Variants in PFKP observed in about 807,000 individuals in gnomAD.
PFKP encodes the protein phosphofructokinase, platelet.
In PFKP, 101 loss-of-function variants were observed where a neutral mutation model predicts 94.3. That is an observed-to-expected ratio of 1.07 (90% confidence interval 0.91 to 1.26). The LOEUF (loss-of-function observed/expected upper bound fraction) is 1.26. Ranked by LOEUF, PFKP falls within the 50% of genes most tolerant of loss-of-function variation. The pLI is 0.00. For synonymous variants in PFKP, 573 were observed against 432.6 expected (o/e 1.32, Z -4.03); for missense variants, 1,145 against 1,103.3 (o/e 1.04, Z -0.53).
At chr10:3,135,868 A>T in intron 21 of PFKP, 30 bp downstream of exon 21, 1 of 1,347,236 alleles carries the variant, frequency 7.4e-7, no homozygotes, top group South Asian at 1.2e-5. Flanking sequence ...TGAGGCAATA[A>T]GACCCCAATG....
chr10:3,129,666 G>T, intron 16 of PFKP, 153 bp from the exon 17 acceptor site: 1 of 786,050 alleles, frequency 1.3e-6, no homozygotes, highest in East Asian at 2.7e-5. Context: ...GGCACATCCT[G>T]GCTGCTGCAC....
In PFKP at chr10:3,098,672, C is replaced by CAAAAAAAAAAAA. The variant is rs5782682; in HGVS notation, c.187-596_187-585dup. 3.0e-3 allele frequency among the ~76,000 whole-genome samples: 325 copies of CAAAAAAAAAAAA among 107,088 alleles called. 8 individuals are homozygous for CAAAAAAAAAAAA. The highest frequency in any genetic ancestry group is 9.5e-3 in the African/African-American group (259 of 27,122). The allele number at this position is 107,088 out of a possible 152,430, so 70.3% of individuals were successfully genotyped here. A position where few individuals can be genotyped will look rare whatever the true frequency, so the allele number is the denominator to read the frequency against. On this transcript the variant is annotated intron_variant, in intron 2 of 21. Transcript: ENST00000381125. ...TGGGTGACAGAGTGAGACTCCGTCTCAAAAAAAAAAAAAAAAAAGGTAATT... is the reference window on the plus strand; with the variant it reads ...TGGGTGACAGAGTGAGACTCCGTCTCAAAAAAAAAAAAAAAAAAAAAAAAAAAAAAGGTAATT...
At chr10:3,124,914 TTGC>T (rs1837775351) in intron 16 of PFKP, among the ~76,000 whole-genome samples, 1 of 152,154 alleles carries the variant, frequency 6.6e-6, no homozygotes, top group Admixed American at 6.5e-5. Flanking sequence ...GCCCCCTGTG[TTGC>T]TGGGGCCTGT....
At chr10:3,086,595 A>G (rs1354954925) in intron 2 of PFKP, among the ~76,000 whole-genome samples, 1 of 152,166 alleles carries the variant, frequency 6.6e-6, no homozygotes, top group African/African-American at 2.4e-5. Context: ...ACACCCCACA[A>G]AGAATGGTCC....
intron 1 of PFKP, among the ~76,000 whole-genome samples, chr10:3,072,206 A>G (rs905713883): frequency 5.3e-5 from 8 of 152,358 alleles, no homozygotes; most frequent in Admixed American, 2.0e-4. Flanking sequence ...CCTCAGGTCA[A>G]TATGTGTAAA....
At chr10:3,112,417 C>A (rs1008472753) in intron 11 of PFKP, 131 bp downstream of exon 11, 1 of 733,212 alleles carries the variant, frequency 1.4e-6, no homozygotes, top group Non-Finnish European at 2.5e-6. Flanking sequence ...GCAGTACTCA[C>A]AGCACCGCTC....
chr10:3,079,641 C>T (rs1290812314), intron 1 of PFKP, among the ~76,000 whole-genome samples: 2 of 73,864 alleles, frequency 2.7e-5, no homozygotes, highest in African/African-American at 5.3e-5. Context: ...CCGGTGGGAA[C>T]GAGGTCTTCA....
chr10:3,093,434 A>G (rs562154636), intron 2 of PFKP, among the ~76,000 whole-genome samples: 131 of 152,270 alleles, frequency 8.6e-4, no homozygotes, highest in Middle Eastern at 6.8e-3. Flanking sequence ...TCTTACGTGT[A>G]GCTGTTCCCG....
Position 3,067,714 on chromosome 10 carries a change from G to GC in PFKP, c.112+13dup. On this transcript the variant is annotated splice_region_variant and intron_variant, in intron 1 of 21. Transcript: ENST00000381125. ...AGCGGCGGGGATGCTCAAGGTGCGC[G>GC]CCCCCCTCCCGGCGGCGAGGGAGGG... 2 of 1,448,788 alleles carry GC rather than the reference G, an allele frequency of 1.4e-6. No homozygotes were observed. Among genetic ancestry groups the GC allele is most frequent in the Non-Finnish European group, 9.2e-7 (1 of 1,083,638 alleles). The allele number at this position is 1,448,788 out of a possible 1,614,324, so 89.7% of individuals were successfully genotyped here.
At chr10:3,098,762 G>A (rs572017797) in intron 2 of PFKP, among the ~76,000 whole-genome samples, 9 of 151,498 alleles carry the variant, frequency 5.9e-5, no homozygotes, top group Admixed American at 3.9e-4. Flanking sequence ...ATGCAGCACC[G>A]TGTCATTAAT....
rs533594108 is a variant in PFKP at position 3,104,598 on chromosome 10, G to A, written c.621-517G>A. 3.4e-5 allele frequency: 7 copies of A among 206,242 alleles called. No homozygotes were observed. In the East Asian group the frequency reaches 5.0e-4, roughly 15 times the overall value. The allele number at this position is 206,242 out of a possible 1,614,324, so 12.8% of individuals were successfully genotyped here. On this transcript the variant is annotated intron_variant, in intron 5 of 21. Coordinates refer to ENST00000381125, the MANE Select transcript of PFKP (RefSeq NM_002627.5). ...CACTGGACATTCTCAGTGCGTGGGC[G>A]TGAACCCCACAGTTGGTGGAAAATC...
chr10:3,109,562 G>A (rs948127076), intron 10 of PFKP, 82 bp downstream of exon 10: 8 of 1,532,756 alleles, frequency 5.2e-6, no homozygotes, highest in Admixed American at 1.9e-5. Context: ...GGGCACCTTG[G>A]GTGTCTCGTC....
intron 16 of PFKP, among the ~76,000 whole-genome samples, chr10:3,123,801 A>AT (rs756257678): frequency 3.3e-5 from 5 of 152,336 alleles, no homozygotes; most frequent in Middle Eastern, 3.4e-3. Flanking sequence ...TGGCATTTGG[A>AT]TTGAAGTCCT....
intron 13 of PFKP, among the ~76,000 whole-genome samples, chr10:3,116,489 C>T (rs530617843): frequency 5.5e-4 from 84 of 152,208 alleles, no homozygotes; most frequent in Non-Finnish European, 7.8e-4. Context: ...TTGCCGGTGG[C>T]GGGATACGGT....
rs1330858519 is a variant in PFKP, at chr10:3,096,930, T to C, written c.187-2345T>C. Among the ~76,000 whole-genome samples the C allele has an allele frequency of 5.8e-5, 7 of 121,046 alleles. 1 individual carries two copies. The highest frequency in any genetic ancestry group is 2.3e-4 in the African/African-American group (7 of 31,012). 79.4% of individuals were successfully genotyped at this position (121,046 alleles called of 152,430 possible). A position where few individuals can be genotyped will look rare whatever the true frequency, so the allele number is the denominator to read the frequency against. On this transcript the variant is annotated intron_variant, in intron 2 of 21. Transcript: ENST00000381125. ...CGTCTCTACTAAAAATACAAAAAAT[T>C]AGCCGGGCGTGGTGGCGGGTGCCTG... is the stretch of plus-strand genomic sequence containing the variant.
rs755213541 is a variant in PFKP at position 3,132,359 on chromosome 10, TAAC to T, written c.1849-18_1849-16del. On this transcript the variant is annotated intron_variant, in intron 17 of 21. Transcript: ENST00000381125. ...ACTTAGTAGAAGTTTATTGTCTGAT[TAAC>T]AAAATACTCTCTTCCAGTCCAACGT... 6.3e-7 allele frequency: 1 copy of T among 1,582,896 alleles called. No homozygotes were observed. Among genetic ancestry groups the T allele is most frequent in the South Asian group, 1.1e-5 (1 of 90,372 alleles).
chr10:3,120,161 CT>C, intron 16 of PFKP, 117 bp downstream of exon 16: 1 of 795,922 alleles, frequency 1.3e-6, no homozygotes, highest in Non-Finnish European at 2.0e-6. Context: ...TGAATGAGAG[CT>C]TCTCGTTCTT....
chr10:3,099,299 G>T lies in PFKP; in HGVS notation c.211G>T (p.Gly71Cys), dbSNP rs565751941. 1.1e-5 allele frequency: 18 copies of T among 1,614,154 alleles called. No homozygotes were observed. The highest frequency in any genetic ancestry group is 1.4e-5 in the Non-Finnish European group (17 of 1,179,974). The change falls in exon 3 of 22, where the codon GGC becomes TGC. Residue 71 changes from glycine (G) to cysteine (C), a missense_variant. Transcript: ENST00000381125. ...YEGYQGMVDGGSNIAEADWES... is the reference protein window; with the variant it reads ...YEGYQGMVDGCSNIAEADWES... The stretch of plus-strand genomic sequence containing the variant: ...GGGCTACCAGGGCATGGTGGACGGA[G>T]GCTCAAACATCGCAGAGGCCGACTG...
chr10:3,097,775 C>T (rs1834607089), intron 2 of PFKP, among the ~76,000 whole-genome samples: 6 of 152,202 alleles, frequency 3.9e-5, no homozygotes, highest in Admixed American at 3.9e-4. Context: ...GAGGCCCAGG[C>T]AGGCAGATCA....
Sources: gnomAD v4.1 joint callset for allele counts (sites outside exome capture counted in the v4.1 genomes callset) on GRCh38, gnomAD v4.1.1 for gene constraint, MANE v1.5 for transcripts, NCBI Gene and HGNC (gene_info 2026-07-23, HGNC 2026-07-21) for gene names.